CACNA1H: variants seen among roughly 807,000 people sequenced by gnomAD.
CACNA1H encodes the protein voltage-dependent T-type calcium channel subunit alpha-1H.
CACNA1H carries 149 observed loss-of-function variants against 192.5 expected under a neutral mutation model. The observed-to-expected ratio is 0.77, with a 90% CI of 0.68 to 0.89. The LOEUF (loss-of-function observed/expected upper bound fraction) is 0.89. CACNA1H is among the 40% of genes least tolerant of loss of function. The pLI, the probability that CACNA1H is intolerant of heterozygous loss-of-function variation, is 0.00. For synonymous variants in CACNA1H, 2,202 were observed against 1,475.2 expected, an observed-to-expected ratio of 1.49 and a Z score of -11.29; for missense variants, 4,257 against 3,423.5, an observed-to-expected ratio of 1.24 and a Z score of -6.08.
chr16:1,190,639 GCCT>G (rs1966519857), intron 2 of CACNA1H, among the ~76,000 whole-genome samples: 1 of 152,262 alleles, frequency 6.6e-6, no homozygotes, highest in African/African-American at 2.4e-5. Context: ...GTCGTGAGAG[GCCT>G]CCTTGGGGCC....
At position 1,207,382 on chromosome 16, in the gene CACNA1H, G is replaced by A. The variant is rs369161410; in HGVS notation, c.3015G>A (p.Val1005=). ...FVALMTFGNY[V]LFNLLVAILV... ...CCCTCATGACCTTCGGCAACTATGT[G>A]CTCTTCAACCTGCTGGTGGCCATCC... The change falls in exon 14 of 35, where the codon GTG becomes GTA. Residue 1005 remains valine (V), a synonymous_variant. Transcript: ENST00000348261. 99 of 1,613,304 alleles carry A rather than the reference G, an allele frequency of 6.1e-5. No individual in the cohort carries two copies. Among genetic ancestry groups the A allele is most frequent in the Admixed American group, 1.3e-4 (8 of 60,004 alleles).
In CACNA1H at chr16:1,212,582, G is replaced by A. The variant is rs1969588426; in HGVS notation, c.4777+54G>A. On this transcript the variant is annotated intron_variant, in intron 26 of 34. Coordinates refer to ENST00000348261, the MANE Select transcript of CACNA1H (RefSeq NM_021098.3). ...CCCCGCTTCTGCGGCCGCTGCTCGG[G>A]GAAGGGCGGGCATCCCAGGCCTGCT... 6.3e-6 allele frequency: 10 copies of A among 1,580,712 alleles called. No individual in the cohort carries two copies. The East Asian group carries it at 7.0e-5, about 11-fold the overall frequency.
chr16:1,154,539 C>T (rs1329334795), intron 2 of CACNA1H, among the ~76,000 whole-genome samples: 3 of 152,136 alleles, frequency 2.0e-5, no homozygotes, highest in Admixed American at 1.3e-4. Flanking sequence ...ACCCGTGGGG[C>T]CTGTGAGCGC....
chr16:1,203,431 C>T (rs1283969948), intron 9 of CACNA1H, among the ~76,000 whole-genome samples: 3 of 152,186 alleles, frequency 2.0e-5, no homozygotes, highest in Non-Finnish European at 4.4e-5. Context: ...GGCAGGCAAA[C>T]GTCTCTGCAC....
chr16:1,218,573 G>T lies in CACNA1H; in HGVS notation c.5809G>T (p.Val1937Leu), dbSNP rs60040113. The change falls in exon 33 of 35, where the codon GTG becomes TTG. Residue 1937 changes from valine (V) to leucine (L), a missense_variant. Val to Leu is a conservative substitution (Grantham distance 32, BLOSUM62 1). Coordinates refer to ENST00000348261, the MANE Select transcript of CACNA1H (RefSeq NM_021098.3). ...CAACGACAGCTACATGTTCAGGCCC[G>T]TGGTGCCTGCCTCGGCGCCCCACCC... ...LPNDSYMFRP[V>L]VPASAPHPRP... 6.4e-7 allele frequency: 1 copy of T among 1,565,108 alleles called. No individual in the cohort carries two copies. The highest frequency in any genetic ancestry group is 1.9e-5 in the Admixed American group (1 of 52,846).
At chr16:1,195,227 G>A (rs548861394) in intron 3 of CACNA1H, 144 bp downstream of exon 3, 8 of 895,670 alleles carry the variant, frequency 8.9e-6, no homozygotes, top group South Asian at 3.3e-5. Context: ...GGTTCACGGC[G>A]GGGCGCGAGG....
intron 2 of CACNA1H, among the ~76,000 whole-genome samples, chr16:1,175,232 T>A (rs1006319428): frequency 1.3e-5 from 2 of 152,102 alleles, no homozygotes; most frequent in Non-Finnish European, 2.9e-5. Context: ...ACAGCCCTTA[T>A]GTGGTGTGAG....
chr16:1,199,782 C>T (rs895648896), intron 6 of CACNA1H, among the ~76,000 whole-genome samples: 8 of 151,700 alleles, frequency 5.3e-5, no homozygotes, highest in Non-Finnish European at 7.4e-5. Context: ...ACCCCTGGAT[C>T]CTCTCAGCCC....
At chr16:1,176,292 A>C (rs1375133564) in intron 2 of CACNA1H, among the ~76,000 whole-genome samples, 2 of 152,188 alleles carry the variant, frequency 1.3e-5, no homozygotes, top group Non-Finnish European at 2.9e-5. Flanking sequence ...CCACCACGGG[A>C]GGGCAGGGGC....
At chr16:1,188,462 C>T (rs1024600847) in intron 2 of CACNA1H, among the ~76,000 whole-genome samples, 3 of 152,186 alleles carry the variant, frequency 2.0e-5, no homozygotes, top group African/African-American at 7.2e-5. Context: ...AGACTGGCTC[C>T]TGGCCCCAAG....
chr16:1,190,155 G>A (rs902554708), intron 2 of CACNA1H, among the ~76,000 whole-genome samples: 8 of 152,244 alleles, frequency 5.3e-5, no homozygotes, highest in Admixed American at 5.2e-4. Flanking sequence ...GCCCTTCCCT[G>A]GCTGGGTTCC....
chr16:1,184,065 G>A (rs563028719), intron 2 of CACNA1H, among the ~76,000 whole-genome samples: 2 of 152,340 alleles, frequency 1.3e-5, no homozygotes, highest in East Asian at 1.9e-4. Flanking sequence ...TCAGGCCTAG[G>A]TGGAGCTGGT....
chr16:1,208,124 A>G lies in CACNA1H; in HGVS notation c.3266A>G (p.Lys1089Arg). 1 of 1,593,426 alleles carries G rather than the reference A, an allele frequency of 6.3e-7. No individual in the cohort carries two copies. ...CTAATPMPTP[K>R]SSPFLDAAPS... ...GCTGCCACGCCCATGCCTACCCCCA[A>G]GAGCTCACCATTCCTGGATGCAGCC... is the stretch of plus-strand genomic sequence containing the variant. Residue 1089 changes from lysine to arginine, a missense_variant, in exon 16 of 35, where the codon AAG becomes AGG. Physicochemically the swap from Lys to Arg is conservative, Grantham distance 26. Coordinates refer to ENST00000348261, the MANE Select transcript of CACNA1H (RefSeq NM_021098.3).
intron 2 of CACNA1H, among the ~76,000 whole-genome samples, chr16:1,171,425 C>T (rs1256784747): frequency 6.6e-6 from 1 of 152,206 alleles, no homozygotes; most frequent in African/African-American, 2.4e-5. Flanking sequence ...CCCCGCAGCC[C>T]ACTTTTTGGC....
At chr16:1,172,661 G>A (rs1040299684) in intron 2 of CACNA1H, among the ~76,000 whole-genome samples, 4 of 152,194 alleles carry the variant, frequency 2.6e-5, no homozygotes, top group African/African-American at 7.2e-5. Context: ...TCCCATAACC[G>A]GCTTCCTGTA....
At chr16:1,203,910 G>C (rs966576824) in intron 9 of CACNA1H, 100 bp from the exon 10 acceptor site, 2 of 820,884 alleles carry the variant, frequency 2.4e-6, no homozygotes, top group South Asian at 1.8e-5. Context: ...TCTTTCTGGG[G>C]GGGACACATT....
At chr16:1,212,561 G>C in intron 26 of CACNA1H, 33 bp downstream of exon 26, 2 of 1,602,356 alleles carry the variant, frequency 1.2e-6, no homozygotes, top group South Asian at 1.1e-5. Context: ...CTCAGGCCCC[G>C]CTTCTGCGGC....
At chr16:1,162,221 G>A (rs1752562759) in intron 2 of CACNA1H, among the ~76,000 whole-genome samples, 1 of 152,104 alleles carries the variant, frequency 6.6e-6, no homozygotes, top group Non-Finnish European at 1.5e-5. Context: ...GCCCCAAGAG[G>A]CCATTGCTGT....
intron 2 of CACNA1H, among the ~76,000 whole-genome samples, chr16:1,189,397 CTTTTTTTTTTTTTTT>C (rs3990780): frequency 3.3e-4 from 15 of 45,036 alleles, no homozygotes; most frequent in Middle Eastern, 0.017. Context: ...GAAGAGTGTC[CTTTTTTTTTTTTTTT>C]TTTTTTTTTT....
Sources: allele counts gnomAD v4.1 joint callset (sites outside exome capture counted in the v4.1 genomes callset), GRCh38; gene constraint gnomAD v4.1.1; transcripts MANE v1.5; gene names NCBI Gene and HGNC (gene_info 2026-07-23, HGNC 2026-07-21).